Variants in BLTP1 observed in about 807,000 individuals in gnomAD.
BLTP1 encodes fragile site-associated protein.
the BLTP1 span, among the ~76,000 whole-genome samples, chr4:122,169,127 A>T: frequency 6.6e-6 from 1 of 151,532 alleles, no homozygotes; most frequent in African/African-American, 2.4e-5. Flanking sequence ...TTTTATTTTT[A>T]TTTTTTTGGC....
the BLTP1 span, chr4:122,214,537 A>C: frequency 1.0e-6 from 1 of 961,298 alleles, no homozygotes; most frequent in Non-Finnish European, 1.2e-6. Flanking sequence ...GTACCATAAA[A>C]GTTTGCCGTA....
At chr4:122,196,719 G>A in the BLTP1 span, 1 of 1,611,008 alleles carries the variant, frequency 6.2e-7, no homozygotes, top group Non-Finnish European at 8.5e-7. Context: ...GACCAAGACA[G>A]ATCCTTGCTT....
At chr4:122,336,611 G>T in the BLTP1 span, 77 of 974,742 alleles carry the variant, frequency 7.9e-5, no homozygotes, top group African/African-American at 1.3e-3. Context: ...TACATCCTTA[G>T]TGTGTCCCTT....
At chr4:122,211,584 A>G in the BLTP1 span, among the ~76,000 whole-genome samples, 1 of 152,230 alleles carries the variant, frequency 6.6e-6, no homozygotes, top group Non-Finnish European at 1.5e-5. Flanking sequence ...AAGGAAATAT[A>G]TGAAAATAAG....
chr4:122,349,475 G>A, the BLTP1 span: 1 of 1,592,034 alleles, frequency 6.3e-7, no homozygotes, highest in Non-Finnish European at 8.6e-7. This position sits in a 1 kb window ranked among gnomAD's most constrained non-coding sequence, Gnocchi z 4.5. Context: ...ATCCAAATCA[G>A]CAACCCAGTC....
chr4:122,349,189 C>T, the BLTP1 span: 8 of 1,610,148 alleles, frequency 5.0e-6, no homozygotes, highest in Non-Finnish European at 6.8e-6. The surrounding 1 kb of genome is among the most constrained non-coding windows in gnomAD (Gnocchi z 4.5). Context: ...GAGCCAGGGC[C>T]GTCTGTCAGT....
chr4:122,227,136 A>G, the BLTP1 span: 4 of 897,602 alleles, frequency 4.5e-6, no homozygotes, highest in South Asian at 1.4e-4. Context: ...ATATGGCTAT[A>G]TATTTATGTA....
chr4:122,349,476 C>T, the BLTP1 span: 2 of 1,592,212 alleles, frequency 1.3e-6, no homozygotes, highest in Non-Finnish European at 1.7e-6. This position sits in a 1 kb window ranked among gnomAD's most constrained non-coding sequence, Gnocchi z 4.5. Context: ...TCCAAATCAG[C>T]AACCCAGTCA....
chr4:122,359,062 A>ATATC, the BLTP1 span, among the ~76,000 whole-genome samples: 1 of 150,992 alleles, frequency 6.6e-6, no homozygotes, highest in Admixed American at 6.6e-5. Context: ...TGTGTGAATT[A>ATATC]TATCTCAAAG....
At chr4:122,336,803 A>C in the BLTP1 span, 1 of 1,421,962 alleles carries the variant, frequency 7.0e-7, no homozygotes, top group South Asian at 1.4e-5. Context: ...ATCTCACTCT[A>C]GTATAAACAA....
At chr4:122,246,252 A>G in the BLTP1 span, 5 of 1,607,992 alleles carry the variant, frequency 3.1e-6, no homozygotes, top group East Asian at 2.2e-5. Flanking sequence ...ATGAAGCAAG[A>G]TAATGTAACA....
the BLTP1 span, chr4:122,192,187 A>G: frequency 2.5e-6 from 4 of 1,593,112 alleles, no homozygotes; most frequent in African/African-American, 2.7e-5. Flanking sequence ...TTTAATGGCC[A>G]TTTTAAATAA....
At chr4:122,181,778 A>C in the BLTP1 span, among the ~76,000 whole-genome samples, 1 of 151,982 alleles carries the variant, frequency 6.6e-6, no homozygotes, top group Non-Finnish European at 1.5e-5. Context: ...AAGGACATTG[A>C]GTATGTTGTT....
At chr4:122,357,080 T>C in the BLTP1 span, 7 of 960,580 alleles carry the variant, frequency 7.3e-6, no homozygotes, top group South Asian at 3.4e-4. Flanking sequence ...AAGAAACAAC[T>C]ACATAATAAA....
At chr4:122,276,221 T>G in the BLTP1 span, 1 of 441,804 alleles carries the variant, frequency 2.3e-6, no homozygotes, top group Non-Finnish European at 3.5e-6. Flanking sequence ...TGGTAATTCA[T>G]ACCTTGTCTG....
At chr4:122,343,431 C>T in the BLTP1 span, 1 of 1,613,922 alleles carries the variant, frequency 6.2e-7, no homozygotes, top group East Asian at 2.2e-5. Context: ...TTAGGCAGCC[C>T]TCTTGGCCGA....
At chr4:122,323,197 CACT>C in the BLTP1 span, among the ~76,000 whole-genome samples, 1 of 151,690 alleles carries the variant, frequency 6.6e-6, no homozygotes, top group Admixed American at 6.6e-5. Flanking sequence ...AGCTGTAACT[CACT>C]GTATTTACTG....
At chr4:122,226,876 GA>G in the BLTP1 span, 1 of 1,473,102 alleles carries the variant, frequency 6.8e-7, no homozygotes. Flanking sequence ...AAACATTTAT[GA>G]ATTTTAAAAA....
chr4:122,252,008 A>G, the BLTP1 span, among the ~76,000 whole-genome samples: 1 of 152,244 alleles, frequency 6.6e-6, no homozygotes, highest in East Asian at 1.9e-4. Flanking sequence ...CCTCCATTGC[A>G]GACCCTAGCT....
Sources: allele counts gnomAD v4.1 joint callset (sites outside exome capture counted in the v4.1 genomes callset), GRCh38; gene constraint gnomAD v4.1.1; non-coding constraint Gnocchi (gnomAD v3.1); transcripts MANE v1.5; gene names NCBI Gene and HGNC (gene_info 2026-07-23, HGNC 2026-07-21).